The following SLC4A4 variants were observed in gnomAD, a reference collection of about 807,000 sequenced individuals.
The protein encoded by SLC4A4 is solute carrier family 4 member 4.
In SLC4A4, 27 loss-of-function variants were observed where a neutral mutation model predicts 111.5. The observed-to-expected ratio is 0.24, with a 90% CI of 0.18 to 0.33. The LOEUF (loss-of-function observed/expected upper bound fraction) is 0.33. Among genes scored for constraint, SLC4A4 ranks in the 10% least tolerant of loss-of-function variants. SLC4A4 has a pLI of 1.00. For synonymous variants in SLC4A4, 443 were observed against 463.4 expected, an observed-to-expected ratio of 0.96 and a Z score of 0.57; for missense variants, 909 against 1,315.5, an observed-to-expected ratio of 0.69 and a Z score of 4.78.
intron 7 of SLC4A4, among the ~76,000 whole-genome samples, chr4:71,420,304 C>T (rs1026074589): frequency 2.0e-4 from 30 of 152,032 alleles, no homozygotes; most frequent in South Asian, 8.3e-4. Flanking sequence ...TAAAAAGAAA[C>T]GAACAAAGCC....
chr4:71,478,226 A>G (rs771632773), intron 14 of SLC4A4, among the ~76,000 whole-genome samples: 7 of 152,000 alleles, frequency 4.6e-5, no homozygotes, highest in Admixed American at 2.0e-4. Context: ...ATCTAAAACT[A>G]GAAATACCAT....
chr4:71,225,763 T>C (rs966534107), intron 1 of SLC4A4, among the ~76,000 whole-genome samples: 3 of 152,186 alleles, frequency 2.0e-5, no homozygotes, highest in African/African-American at 7.2e-5. Flanking sequence ...TGGAACAAAC[T>C]CCTGCTCTTG....
chr4:71,083,521 CTTAT>C (rs1430926063), intron 1 of SLC4A4, among the ~76,000 whole-genome samples: 1 of 151,878 alleles, frequency 6.6e-6, no homozygotes, highest in Admixed American at 6.6e-5. Context: ...GCTGTCTTAC[CTTAT>C]TTGTCTCCAA....
chr4:71,135,444 C>T (rs1034652304), intron 2 of SLC4A4, among the ~76,000 whole-genome samples: 1 of 151,920 alleles, frequency 6.6e-6, no homozygotes, highest in African/African-American at 2.4e-5. Flanking sequence ...TACAGGCCTG[C>T]ACCACCATGC....
chr4:71,537,604 C>A lies in SLC4A4; in HGVS notation c.2442+3216C>A, dbSNP rs139840084. 4.1e-3 allele frequency among the ~76,000 whole-genome samples: 625 copies of A among 151,984 alleles called. 5 individuals are homozygous for A. The highest frequency in any genetic ancestry group is 0.014 in the African/African-American group (601 of 41,452). On this transcript the variant is annotated intron_variant, in intron 18 of 25. Transcript: ENST00000264485. ...TTGTAGAGTTGTGGTTAGGAATATC[C>A]CTATCCTGGGAGATTCTTTCTTTCT...
At chr4:71,514,308 T>C (rs1189498910) in intron 16 of SLC4A4, among the ~76,000 whole-genome samples, 1 of 152,070 alleles carries the variant, frequency 6.6e-6, no homozygotes, top group Admixed American at 6.5e-5. Context: ...CATTTAAAAA[T>C]GTGTAGAACC....
At chr4:71,236,077 C>T in intron 1 of SLC4A4, 1 of 999,262 alleles carries the variant, frequency 1.0e-6, no homozygotes, top group Non-Finnish European at 1.2e-6. Context: ...ACTAGCCTAC[C>T]TCCCTGTCGC....
At chr4:71,362,297 G>A (rs1032487495) in intron 6 of SLC4A4, among the ~76,000 whole-genome samples, 4 of 151,996 alleles carry the variant, frequency 2.6e-5, no homozygotes, top group South Asian at 2.1e-4. Context: ...CTAATTTTAC[G>A]ACCTCACTTT....
At chr4:71,109,215 C>G (rs1743024998) in intron 2 of SLC4A4, among the ~76,000 whole-genome samples, 1 of 152,098 alleles carries the variant, frequency 6.6e-6, no homozygotes, top group South Asian at 2.1e-4. Context: ...AACTGAAGAT[C>G]TTTTCAGAGC....
chr4:71,358,379 C>A (rs1367182514), intron 6 of SLC4A4, among the ~76,000 whole-genome samples: 1 of 151,588 alleles, frequency 6.6e-6, no homozygotes, highest in Non-Finnish European at 1.5e-5. Context: ...TTGCCCTCAG[C>A]TGCACTTTCA....
At chr4:71,304,491 C>T (rs1357083947) in intron 3 of SLC4A4, among the ~76,000 whole-genome samples, 2 of 152,210 alleles carry the variant, frequency 1.3e-5, no homozygotes, top group African/African-American at 4.8e-5. Flanking sequence ...TGTCCAAGCA[C>T]ATTGGTTGGG....
intron 3 of SLC4A4, among the ~76,000 whole-genome samples, chr4:71,267,446 G>A (rs746629370): frequency 2.0e-5 from 3 of 152,190 alleles, no homozygotes; most frequent in Non-Finnish European, 4.4e-5. Flanking sequence ...ATGAGTACAA[G>A]AGTGGTTATC....
intron 15 of SLC4A4, among the ~76,000 whole-genome samples, chr4:71,488,684 A>G (rs954839906): frequency 1.3e-5 from 2 of 151,754 alleles, no homozygotes; most frequent in African/African-American, 2.4e-5. Flanking sequence ...TTTGAAGTGA[A>G]GTCTGGGTGG....
At chr4:71,335,465 G>T (rs1728356129) in intron 3 of SLC4A4, among the ~76,000 whole-genome samples, 1 of 152,058 alleles carries the variant, frequency 6.6e-6, no homozygotes, top group South Asian at 2.1e-4. Flanking sequence ...TTTCATGATT[G>T]GAAAGGCATT....
At position 71,295,860 on chromosome 4, in the gene SLC4A4, A is replaced by G. The variant is rs141760409; in HGVS notation, c.253+40461A>G. On this transcript the variant is annotated intron_variant, in intron 3 of 25. Transcript: ENST00000264485. ...TTTTAGTAGAGACAGGGGTTTCACC[A>G]TGTTGGCCAGGCTGGTCTCGAACTC... Among the ~76,000 whole-genome samples the G allele has an allele frequency of 1.8e-4, 27 of 152,148 alleles. No homozygotes were observed. In the East Asian group the frequency reaches 5.0e-3, roughly 28 times the overall value.
chr4:71,203,206 G>T (rs368782653), intron 1 of SLC4A4, among the ~76,000 whole-genome samples: 2 of 152,076 alleles, frequency 1.3e-5, no homozygotes, highest in Non-Finnish European at 2.9e-5. Context: ...TTTTAAAACT[G>T]TGTATTTAGG....
At chr4:71,323,665 A>G (rs1007851539) in intron 3 of SLC4A4, among the ~76,000 whole-genome samples, 7 of 152,002 alleles carry the variant, frequency 4.6e-5, no homozygotes, top group African/African-American at 7.2e-5. Context: ...CTGGCATGTG[A>G]TATGTGTCAA....
intron 16 of SLC4A4, among the ~76,000 whole-genome samples, chr4:71,528,132 A>T (rs1733581876): frequency 6.6e-6 from 1 of 152,082 alleles, no homozygotes; most frequent in Non-Finnish European, 1.5e-5. Flanking sequence ...GCTTTTGAAA[A>T]ATTATATTGG....
chr4:71,286,365 A>G (rs1723919858), intron 3 of SLC4A4, among the ~76,000 whole-genome samples: 1 of 152,226 alleles, frequency 6.6e-6, no homozygotes, highest in South Asian at 2.1e-4. Context: ...CAGAAGACCA[A>G]ACGCTTAAAA....
Sources: allele counts gnomAD v4.1 joint callset (sites outside exome capture counted in the v4.1 genomes callset), GRCh38; gene constraint gnomAD v4.1.1; transcripts MANE v1.5; gene names NCBI Gene and HGNC (gene_info 2026-07-23, HGNC 2026-07-21).